CDK19: variants seen among roughly 807,000 people sequenced by gnomAD.
CDK19 encodes cyclin-dependent kinase 19.
Under a neutral mutation model 68.3 loss-of-function variants are expected in CDK19, and 20 were observed. The ratio of observed to expected loss-of-function variants is 0.29; its 90% CI spans 0.21 to 0.43. The LOEUF (loss-of-function observed/expected upper bound fraction) is 0.43, where lower values mean the gene tolerates loss of function less well. Among genes scored for constraint, CDK19 ranks in the 20% least tolerant of loss-of-function variants. The pLI, the probability that CDK19 is intolerant of heterozygous loss-of-function variation, is 1.00. For missense variants in CDK19, 339 were observed against 623.5 expected, an observed-to-expected ratio of 0.54 and a Z score of 4.86; for synonymous variants, 221 against 222.8, an observed-to-expected ratio of 0.99 and a Z score of 0.07.
rs1778099661 is a variant in CDK19, at chr6:110,612,888, C to T, written c.*1647G>A. The T allele has an allele frequency of 1.3e-5, 2 of 152,608 alleles. No individual in the cohort carries two copies. The highest frequency in any genetic ancestry group is 2.9e-5 in the Non-Finnish European group (2 of 68,042). The allele number at this position is 152,608 out of a possible 1,614,324, so 9.5% of individuals were successfully genotyped here. The stretch of plus-strand genomic sequence containing the variant: ...TGGCTACAGTATCACATCAATAGTG[C>T]AAAATGTATACTGGCTTCTGTCTAA... On this transcript the variant is annotated 3_prime_UTR_variant, in exon 13 of 13. Transcript: ENST00000368911.
Position 110,746,211 on chromosome 6 carries a change from A to T in CDK19, c.129-10T>A. 6.5e-7 allele frequency: 1 copy of T among 1,534,864 alleles called. No individual in the cohort carries two copies. The highest frequency in any genetic ancestry group is 8.9e-7 in the Non-Finnish European group (1 of 1,122,402). On this transcript the variant is annotated splice_polypyrimidine_tract_variant and intron_variant, in intron 1 of 12. Coordinates refer to ENST00000368911, the MANE Select transcript of CDK19 (RefSeq NM_015076.5). ...TTCCTTTTCATCTTTTCTGCACATA[A>T]ACAAAAAAACATCATTTTTCCATAT...
chr6:110,811,114 A>T (rs1783059804), intron 1 of CDK19, among the ~76,000 whole-genome samples: 1 of 152,176 alleles, frequency 6.6e-6, no homozygotes, highest in Non-Finnish European at 1.5e-5. Flanking sequence ...AAAAAGAGGA[A>T]ATTGAACTAG....
chr6:110,719,729 T>TTTTTG (rs372540988), intron 2 of CDK19, among the ~76,000 whole-genome samples: 2 of 152,098 alleles, frequency 1.3e-5, no homozygotes, highest in East Asian at 1.9e-4. Flanking sequence ...CAGTATGGTT[T>TTTTTG]TTTTGTTTTG....
chr6:110,788,997 C>T (rs1345352303), intron 1 of CDK19, among the ~76,000 whole-genome samples: 3 of 152,168 alleles, frequency 2.0e-5, no homozygotes, highest in Admixed American at 2.0e-4. Flanking sequence ...CAAGTGATCA[C>T]TTTTTACTGC....
chr6:110,621,701 T>G lies in CDK19; in HGVS notation c.1111-331A>C, dbSNP rs1246572145. ...ATTAAAACAGCTAGAAGAAATCTTTTCAATCGTGATTCTGGAAAGGCAGAG... is the reference window on the plus strand; with the variant it reads ...ATTAAAACAGCTAGAAGAAATCTTTGCAATCGTGATTCTGGAAAGGCAGAG... On this transcript the variant is annotated intron_variant, in intron 11 of 12. Coordinates refer to ENST00000368911, the MANE Select transcript of CDK19 (RefSeq NM_015076.5). This position sits in a 1 kb window ranked among gnomAD's most constrained non-coding sequence, Gnocchi z 5.4. Among the ~76,000 whole-genome samples the G allele has an allele frequency of 1.3e-5, 2 of 152,338 alleles. No individual in the cohort carries two copies. The highest frequency in any genetic ancestry group is 3.4e-3 in the Middle Eastern group (1 of 294).
chr6:110,730,910 G>T (rs1455019968), intron 2 of CDK19, among the ~76,000 whole-genome samples: 1 of 152,038 alleles, frequency 6.6e-6, no homozygotes, highest in Non-Finnish European at 1.5e-5. Context: ...AAATTGGCCG[G>T]GCATGGTGGC....
chr6:110,711,770 C>T (rs1774959199), intron 2 of CDK19, among the ~76,000 whole-genome samples: 1 of 152,230 alleles, frequency 6.6e-6, no homozygotes, highest in Non-Finnish European at 1.5e-5. Context: ...GAGTTTGAGA[C>T]CAGCCTGGCC....
chr6:110,698,682 A>G (rs1773704096), intron 2 of CDK19, among the ~76,000 whole-genome samples: 1 of 152,194 alleles, frequency 6.6e-6, no homozygotes, highest in Non-Finnish European at 1.5e-5. Flanking sequence ...AGAAGTCATT[A>G]TATCAAAGGC....
chr6:110,622,916 G>A lies in CDK19; in HGVS notation c.934-4C>T, dbSNP rs780847665. On this transcript the variant is annotated splice_region_variant and splice_polypyrimidine_tract_variant and intron_variant, in intron 9 of 12. Coordinates refer to ENST00000368911, the MANE Select transcript of CDK19 (RefSeq NM_015076.5). ...CCATGGTCAGGAGTTTCTGAAGCTA[G>A]AGTGACACACAGGAAATGTACAGCA... The A allele has an allele frequency of 1.3e-5, 21 of 1,577,952 alleles. No homozygotes were observed. The highest frequency in any genetic ancestry group is 3.3e-4 in the Middle Eastern group (2 of 6,030).
intron 1 of CDK19, among the ~76,000 whole-genome samples, chr6:110,752,222 AAAAT>A (rs71649485): frequency 0.047 from 7,197 of 152,260 alleles, 175 homozygotes; most frequent in Middle Eastern, 0.078. Flanking sequence ...AAATTTTTCA[AAAAT>A]AAATAAATAA....
chr6:110,660,897 C>A (rs866261243), intron 4 of CDK19, among the ~76,000 whole-genome samples: 2 of 152,134 alleles, frequency 1.3e-5, no homozygotes, highest in African/African-American at 2.4e-5. Context: ...CAGTATCAGG[C>A]CTTTAGGCTT....
At chr6:110,620,489 G>A (rs989844731) in intron 12 of CDK19, among the ~76,000 whole-genome samples, 5 of 151,798 alleles carry the variant, frequency 3.3e-5, no homozygotes, top group African/African-American at 7.3e-5. Flanking sequence ...ATTTCCTATG[G>A]TTATCACAAT....
intron 2 of CDK19, among the ~76,000 whole-genome samples, chr6:110,726,042 T>C (rs533450067): frequency 6.6e-6 from 1 of 152,188 alleles, no homozygotes; most frequent in South Asian, 2.1e-4. Flanking sequence ...GGTGTTGCTA[T>C]GGGAACAACA....
chr6:110,711,954 C>T (rs1254916932), intron 2 of CDK19, among the ~76,000 whole-genome samples: 1 of 152,250 alleles, frequency 6.6e-6, no homozygotes, highest in Non-Finnish European at 1.5e-5. Context: ...GCCTGGGTGA[C>T]ACTGCGAGAC....
intron 4 of CDK19, among the ~76,000 whole-genome samples, chr6:110,654,569 T>C (rs1781179126): frequency 6.6e-6 from 1 of 152,232 alleles, no homozygotes; most frequent in African/African-American, 2.4e-5. Context: ...ATGAGCTAAA[T>C]TGCCAGTGGT....
At position 110,806,523 on chromosome 6, in the gene CDK19, C is replaced by T. The variant is rs193221494; in HGVS notation, c.128+8486G>A. ...TAACTTACAGACACATTAATAGGTA[C>T]AAAATGCTGTGCTTACTAGGATATT... is the stretch of plus-strand genomic sequence containing the variant. On this transcript the variant is annotated intron_variant, in intron 1 of 12. Coordinates refer to ENST00000368911, the MANE Select transcript of CDK19 (RefSeq NM_015076.5). 9.3e-4 allele frequency among the ~76,000 whole-genome samples: 141 copies of T among 152,176 alleles called. 1 individual carries two copies. The highest frequency in any genetic ancestry group is 5.1e-4 in the Non-Finnish European group (35 of 68,010).
chr6:110,709,072 C>A (rs1275168184), intron 2 of CDK19, among the ~76,000 whole-genome samples: 2 of 152,140 alleles, frequency 1.3e-5, no homozygotes, highest in Admixed American at 1.3e-4. Context: ...GAACCAATGA[C>A]AAAAACCACA....
At chr6:110,672,163 A>C (rs949671505) in intron 2 of CDK19, among the ~76,000 whole-genome samples, 8 of 152,198 alleles carry the variant, frequency 5.3e-5, no homozygotes, top group African/African-American at 1.9e-4. Flanking sequence ...ACTTCACCCC[A>C]GGCACAATGA....
At chr6:110,701,096 C>T (rs894579963) in intron 2 of CDK19, among the ~76,000 whole-genome samples, 62 of 151,822 alleles carry the variant, frequency 4.1e-4, no homozygotes, top group South Asian at 1.9e-3. Context: ...CCCAGCTACT[C>T]GGGAGGCTGA....
Sources: gnomAD v4.1 joint callset for allele counts (sites outside exome capture counted in the v4.1 genomes callset) on GRCh38, gnomAD v4.1.1 for gene constraint, Gnocchi (gnomAD v3.1) non-coding constraint, MANE v1.5 for transcripts, NCBI Gene and HGNC (gene_info 2026-07-23, HGNC 2026-07-21) for gene names.